The following PTPRN2 variants were observed in gnomAD, a reference collection of about 807,000 sequenced individuals.
PTPRN2 encodes the protein protein tyrosine phosphatase receptor type N2.
Under a neutral mutation model 118.8 loss-of-function variants are expected in PTPRN2, and 74 were observed. The ratio of observed to expected loss-of-function variants is 0.62; its 90% confidence interval spans 0.52 to 0.76. PTPRN2 has a LOEUF of 0.76. PTPRN2 is among the 30% of genes least tolerant of loss of function. The pLI is 0.00. For synonymous variants in PTPRN2, 641 were observed against 608.0 expected (o/e 1.05, Z -0.80); for missense variants, 1,481 against 1,394.4 (o/e 1.06, Z -0.99).
chr7:157,789,684 G>A (rs199970364), intron 12 of PTPRN2, among the ~76,000 whole-genome samples: 1 of 129,790 alleles, frequency 7.7e-6, no homozygotes, highest in East Asian at 2.5e-4. Context: ...GCATGTATGT[G>A]TGTGGGGGTA....
chr7:158,499,086 T>C (rs1482496839), intron 1 of PTPRN2, among the ~76,000 whole-genome samples: 1 of 152,224 alleles, frequency 6.6e-6, no homozygotes, highest in Non-Finnish European at 1.5e-5. Flanking sequence ...TTCTCAGTCA[T>C]TGTTAAAGCA....
intron 3 of PTPRN2, among the ~76,000 whole-genome samples, chr7:158,298,737 GC>G (rs1234099466): frequency 5.9e-5 from 9 of 152,154 alleles, no homozygotes; most frequent in African/African-American, 2.2e-4. Flanking sequence ...AGGAAATCAG[GC>G]CCCACAATGT....
intron 6 of PTPRN2, among the ~76,000 whole-genome samples, chr7:158,155,577 C>CTAT (rs1821676557): frequency 9.3e-4 from 9 of 9,638 alleles, no homozygotes; most frequent in Admixed American, 3.0e-3. Flanking sequence ...GCCATCATCA[C>CTAT]CATCACCATC....
At chr7:157,992,851 C>A (rs76157499) in intron 11 of PTPRN2, among the ~76,000 whole-genome samples, 15,928 of 152,290 alleles carry the variant, frequency 0.1, 1,049 homozygotes, top group South Asian at 0.22. Context: ...GCTCCTTCTG[C>A]TCAGGAAGCA....
chr7:157,800,958 A>AAT (rs924192301), intron 12 of PTPRN2, among the ~76,000 whole-genome samples: 3 of 151,070 alleles, frequency 2.0e-5, no homozygotes, highest in East Asian at 1.9e-4. Context: ...TTTCAAAAAA[A>AAT]ATATATATAT....
intron 2 of PTPRN2, among the ~76,000 whole-genome samples, chr7:158,376,037 T>C (rs2151329490): frequency 6.6e-6 from 1 of 152,260 alleles, no homozygotes; most frequent in Non-Finnish European, 1.5e-5. Context: ...ACTTAAGCCA[T>C]CTGTGGGTGG....
chr7:157,759,965 C>A (rs562534396), intron 12 of PTPRN2, among the ~76,000 whole-genome samples: 69 of 152,238 alleles, frequency 4.5e-4, no homozygotes, highest in African/African-American at 1.7e-3. Flanking sequence ...TAGGAAGAGA[C>A]CGGGCGGGCA....
chr7:158,275,366 G>T (rs573194000), intron 3 of PTPRN2, among the ~76,000 whole-genome samples: 1 of 152,280 alleles, frequency 6.6e-6, no homozygotes, highest in Admixed American at 6.5e-5. Flanking sequence ...TCACTGTGCT[G>T]GCAGACCCAC....
intron 11 of PTPRN2, among the ~76,000 whole-genome samples, chr7:157,905,473 C>G (rs1475684338): frequency 6.6e-6 from 1 of 152,030 alleles, no homozygotes; most frequent in African/African-American, 2.4e-5. Flanking sequence ...GGTTTCCAAA[C>G]ACAAAAAAGA....
At chr7:158,385,048 A>G (rs1225753912) in intron 2 of PTPRN2, among the ~76,000 whole-genome samples, 2 of 152,158 alleles carry the variant, frequency 1.3e-5, no homozygotes, top group African/African-American at 2.4e-5. Context: ...CAGTGCATCA[A>G]CGTCCCCTAA....
chr7:158,324,056 C>T (rs1444249892), intron 2 of PTPRN2, among the ~76,000 whole-genome samples: 9 of 26,844 alleles, frequency 3.4e-4, no homozygotes, highest in Admixed American at 2.4e-3. Context: ...CATTTGCAAA[C>T]GTGCACACAC....
chr7:158,063,804 G>T (rs1003879838), intron 11 of PTPRN2, among the ~76,000 whole-genome samples: 1 of 152,228 alleles, frequency 6.6e-6, no homozygotes, highest in South Asian at 2.1e-4. Context: ...GTGAGACCAA[G>T]AACCCACCCA....
chr7:158,118,440 A>AAAATTAAAATTTT (rs1563459092), intron 9 of PTPRN2, among the ~76,000 whole-genome samples: 3 of 152,226 alleles, frequency 2.0e-5, no homozygotes, highest in African/African-American at 7.2e-5. Flanking sequence ...TTTAATTTTT[A>AAAATTAAAATTTT]AAAATCTACT....
At chr7:157,738,346 C>T (rs1205013383) in intron 12 of PTPRN2, among the ~76,000 whole-genome samples, 1 of 152,138 alleles carries the variant, frequency 6.6e-6, no homozygotes, top group Non-Finnish European at 1.5e-5. Flanking sequence ...GATTGAGAGC[C>T]TGATACTGGC....
chr7:158,374,615 G>A (rs921970088), intron 2 of PTPRN2, among the ~76,000 whole-genome samples: 10 of 152,146 alleles, frequency 6.6e-5, no homozygotes, highest in Non-Finnish European at 1.2e-4. Flanking sequence ...GAAACATGGC[G>A]CATCCACTCA....
At chr7:158,074,181 C>T (rs992137826) in intron 11 of PTPRN2, among the ~76,000 whole-genome samples, 2 of 152,220 alleles carry the variant, frequency 1.3e-5, no homozygotes, top group Admixed American at 1.3e-4. Flanking sequence ...AGCAAAACCC[C>T]CTCCTGCACA....
intron 1 of PTPRN2, among the ~76,000 whole-genome samples, chr7:158,542,890 C>T (rs1826070598): frequency 1.3e-5 from 2 of 152,142 alleles, no homozygotes; most frequent in South Asian, 2.1e-4. Context: ...CATCAAAATG[C>T]CTGGACTTCT....
intron 9 of PTPRN2, among the ~76,000 whole-genome samples, chr7:158,112,107 T>C (rs1276607717): frequency 1.3e-5 from 2 of 152,204 alleles, no homozygotes; most frequent in Non-Finnish European, 2.9e-5. Flanking sequence ...ACCTGGGTCT[T>C]GGACTTCCAG....
chr7:158,487,651 G>A (rs754641827), intron 2 of PTPRN2, among the ~76,000 whole-genome samples: 3 of 152,186 alleles, frequency 2.0e-5, no homozygotes, highest in Non-Finnish European at 4.4e-5. Context: ...GCTGGTGACA[G>A]AATGTTCTAG....
Sources: gnomAD v4.1 joint callset for allele counts (sites outside exome capture counted in the v4.1 genomes callset) on GRCh38, gnomAD v4.1.1 for gene constraint, MANE v1.5 for transcripts, NCBI Gene and HGNC (gene_info 2026-07-23, HGNC 2026-07-21) for gene names.